Variants in SGCZ observed in about 807,000 individuals in gnomAD.
SGCZ encodes sarcoglycan zeta.
A neutral mutation model predicts 41.3 loss-of-function variants in SGCZ; 40 were observed. The observed-to-expected ratio is 0.97, with a 90% CI of 0.75 to 1.26. The LOEUF is 1.26. SGCZ is among the 50% of genes most tolerant of loss of function. The probability of loss-of-function intolerance (pLI) is 0.00; values close to 1 mark genes in which losing one functional copy is unlikely to be tolerated. For missense variants in SGCZ, 552 were observed against 369.8 expected, an observed-to-expected ratio of 1.49 and a Z score of -4.04; for synonymous variants, 206 against 137.5, an observed-to-expected ratio of 1.50 and a Z score of -3.49.
At chr8:14,895,298 T>C (rs1307254966) in intron 1 of SGCZ, among the ~76,000 whole-genome samples, 1 of 152,164 alleles carries the variant, frequency 6.6e-6, no homozygotes, top group African/African-American at 2.4e-5. Flanking sequence ...GTTAGTGTAC[T>C]CATCTCTTAA....
chr8:14,997,833 G>A (rs138132507), intron 1 of SGCZ, among the ~76,000 whole-genome samples: 3,315 of 152,162 alleles, frequency 0.022, 139 homozygotes, highest in African/African-American at 0.075. Context: ...GATGGCACAC[G>A]CCTGTAATCC....
chr8:14,171,468 C>A (rs925044121), intron 4 of SGCZ, among the ~76,000 whole-genome samples: 1 of 151,970 alleles, frequency 6.6e-6, no homozygotes, highest in Non-Finnish European at 1.5e-5. Context: ...ATGTATTCAA[C>A]TGGTAGTATA....
chr8:14,209,500 T>C (rs1232087268), intron 4 of SGCZ, among the ~76,000 whole-genome samples: 1 of 152,112 alleles, frequency 6.6e-6, no homozygotes, highest in Non-Finnish European at 1.5e-5. Context: ...GTGGAAAGAG[T>C]ACATTTCCTA....
intron 2 of SGCZ, among the ~76,000 whole-genome samples, chr8:14,500,017 C>T (rs759750719): frequency 6.6e-6 from 1 of 151,982 alleles, no homozygotes; most frequent in Non-Finnish European, 1.5e-5. Context: ...AAATCTTTTC[C>T]TTAACATTAC....
chr8:14,554,646 T>A, intron 2 of SGCZ, 86 bp downstream of exon 2: 2 of 1,090,556 alleles, frequency 1.8e-6, no homozygotes, highest in Non-Finnish European at 2.6e-6. Context: ...TTGATATGAA[T>A]AACTTTTGAT....
chr8:14,317,619 A>G (rs925393132), intron 3 of SGCZ, among the ~76,000 whole-genome samples: 1 of 151,982 alleles, frequency 6.6e-6, no homozygotes, highest in Non-Finnish European at 1.5e-5. Context: ...GAAATATGCA[A>G]TGCTTATAAG....
intron 5 of SGCZ, among the ~76,000 whole-genome samples, chr8:14,116,157 G>T (rs1033612273): frequency 1.3e-5 from 2 of 152,066 alleles, no homozygotes; most frequent in East Asian, 1.9e-4. Flanking sequence ...TATTGCATTG[G>T]TTTATAGATT....
In SGCZ at chr8:15,013,908, T is replaced by G. The variant is rs73665368; in HGVS notation, c.39+223677A>C. 6.8e-4 allele frequency among the ~76,000 whole-genome samples: 103 copies of G among 152,316 alleles called. 1 individual carries two copies. The highest frequency in any genetic ancestry group is 2.4e-3 in the African/African-American group (98 of 41,578). ...TACTGGGCTCGGGCAGCTAGATTCA[T>G]GCTTTCTCAGTTTAATGCTATTATT... On this transcript the variant is annotated intron_variant, in intron 1 of 7. Transcript: ENST00000382080.
chr8:15,183,894 A>T lies in SGCZ; in HGVS notation c.39+53691T>A, dbSNP rs368199149. Among the ~76,000 whole-genome samples, 6 of 152,296 alleles carry T rather than the reference A, an allele frequency of 3.9e-5. No homozygotes were observed. In the East Asian group the frequency reaches 7.7e-4, roughly 20 times the overall value. Reference sequence around the variant, plus strand: ...AGCATTTATTACTTCAAAATATTTTAAGGGATCAAGTGTAATTACTACATA... The same window carrying T: ...AGCATTTATTACTTCAAAATATTTTTAGGGATCAAGTGTAATTACTACATA... On this transcript the variant is annotated intron_variant, in intron 1 of 7. Transcript: ENST00000382080.
intron 2 of SGCZ, among the ~76,000 whole-genome samples, chr8:14,542,471 A>G (rs528211605): frequency 6.6e-6 from 1 of 152,138 alleles, no homozygotes; most frequent in African/African-American, 2.4e-5. Flanking sequence ...GAAACCTTAC[A>G]GAGACACTTT....
intron 1 of SGCZ, among the ~76,000 whole-genome samples, chr8:15,109,683 T>C (rs998188824): frequency 1.3e-5 from 2 of 152,212 alleles, no homozygotes; most frequent in Non-Finnish European, 2.9e-5. Flanking sequence ...TCACCCATCA[T>C]ATATTTAAAT....
chr8:14,095,611 T>A (rs1801819155), intron 7 of SGCZ, among the ~76,000 whole-genome samples: 1 of 152,178 alleles, frequency 6.6e-6, no homozygotes, highest in Non-Finnish European at 1.5e-5. Context: ...CATATGAAGT[T>A]TAAAGTAGTT....
At chr8:14,495,741 T>C (rs11994351) in intron 2 of SGCZ, among the ~76,000 whole-genome samples, 73 of 152,210 alleles carry the variant, frequency 4.8e-4, no homozygotes, top group African/African-American at 1.6e-3. Context: ...TTACCAAAGG[T>C]AATTGCTCCT....
At chr8:14,527,121 G>A (rs937414214) in intron 2 of SGCZ, among the ~76,000 whole-genome samples, 6 of 151,940 alleles carry the variant, frequency 3.9e-5, no homozygotes, top group African/African-American at 1.5e-4. Context: ...GAAAATTCGT[G>A]GCATACTCTT....
chr8:14,796,110 T>C (rs899740771), intron 1 of SGCZ, among the ~76,000 whole-genome samples: 1 of 152,240 alleles, frequency 6.6e-6, no homozygotes, highest in East Asian at 1.9e-4. Context: ...GTCTTTGCTA[T>C]TGTGAATAGT....
At chr8:14,752,207 A>G (rs1799523403) in intron 1 of SGCZ, among the ~76,000 whole-genome samples, 1 of 148,878 alleles carries the variant, frequency 6.7e-6, no homozygotes, top group Non-Finnish European at 1.5e-5. Flanking sequence ...CTCCTTTACT[A>G]TTTAAACTGG....
At chr8:14,270,761 T>C (rs1414241881) in intron 3 of SGCZ, among the ~76,000 whole-genome samples, 1 of 152,142 alleles carries the variant, frequency 6.6e-6, no homozygotes, top group Non-Finnish European at 1.5e-5. Context: ...ATAGTATACA[T>C]TCACATTTAC....
intron 1 of SGCZ, among the ~76,000 whole-genome samples, chr8:15,232,148 T>G (rs1362480582): frequency 6.6e-6 from 1 of 152,226 alleles, no homozygotes; most frequent in Non-Finnish European, 1.5e-5. Flanking sequence ...CCTTAGTAAC[T>G]TAAAGTTGTA....
At chr8:14,534,236 G>T (rs1375245864) in intron 2 of SGCZ, among the ~76,000 whole-genome samples, 1 of 151,946 alleles carries the variant, frequency 6.6e-6, no homozygotes, top group Non-Finnish European at 1.5e-5. Flanking sequence ...AGAAGAGCTG[G>T]CTGGCACAGA....
Sources: allele counts gnomAD v4.1 joint callset (sites outside exome capture counted in the v4.1 genomes callset), GRCh38; gene constraint gnomAD v4.1.1; transcripts MANE v1.5; gene names NCBI Gene and HGNC (gene_info 2026-07-23, HGNC 2026-07-21).